CCDC3: variants seen among roughly 807,000 people sequenced by gnomAD.
CCDC3 encodes the protein coiled-coil domain containing 3, also known as coiled-coil domain-containing protein 3.
Under a neutral mutation model 21.4 loss-of-function variants are expected in CCDC3, and 24 were observed. The ratio of observed to expected loss-of-function variants is 1.12; its 90% CI spans 0.81 to 1.58. The LOEUF (loss-of-function observed/expected upper bound fraction) is 1.58, where lower values mean the gene tolerates loss of function less well. Among genes scored for constraint, CCDC3 ranks in the 40% most tolerant of loss-of-function variants. The pLI, the probability that CCDC3 is intolerant of heterozygous loss-of-function variation, is 0.00. For missense variants in CCDC3, 425 were observed against 360.9 expected (o/e 1.18, Z -1.44); for synonymous variants, 186 against 166.0 (o/e 1.12, Z -0.93).
At chr10:12,945,422 A>G (rs1293945908) in intron 2 of CCDC3, among the ~76,000 whole-genome samples, 1 of 152,128 alleles carries the variant, frequency 6.6e-6, no homozygotes, top group Non-Finnish European at 1.5e-5. Flanking sequence ...ATAGGGAAAA[A>G]AAAAACCCCG....
At chr10:13,081,175 A>T (rs1837035532) in intron 3 of CCDC3, among the ~76,000 whole-genome samples, 1 of 152,136 alleles carries the variant, frequency 6.6e-6, no homozygotes, top group Non-Finnish European at 1.5e-5. Flanking sequence ...AAAAAAAAAA[A>T]AAAAAAATAC....
chr10:12,923,442 G>T (rs868177319), intron 2 of CCDC3, among the ~76,000 whole-genome samples: 6 of 152,038 alleles, frequency 3.9e-5, no homozygotes, highest in Admixed American at 2.0e-4. Flanking sequence ...CCTTTCCACC[G>T]GCTTAAGTGG....
chr10:12,898,252 C>T lies in CCDC3; in HGVS notation c.*164G>A. On this transcript the variant is annotated 3_prime_UTR_variant, in exon 3 of 3. Coordinates refer to ENST00000378825, the MANE Select transcript of CCDC3 (RefSeq NM_031455.4). ...TGGGGTCTGACATTGAGGCCAGCAC[C>T]CAAGGGGAAAGCAAGCCTTGCATTT... The T allele has an allele frequency of 2.4e-6, 2 of 848,226 alleles. No homozygotes were observed. The highest frequency in any genetic ancestry group is 3.6e-6 in the Non-Finnish European group (2 of 562,100). The allele number at this position is 848,226 out of a possible 1,614,324, so 52.5% of individuals were successfully genotyped here. A position where few individuals can be genotyped will look rare whatever the true frequency, so the allele number is the denominator to read the frequency against.
intron 5 of CCDC3, among the ~76,000 whole-genome samples, chr10:13,023,143 A>G (rs1836168856): frequency 1.3e-5 from 2 of 152,176 alleles, no homozygotes; most frequent in African/African-American, 4.8e-5. Flanking sequence ...GGAAAGTGTA[A>G]AATAAAAGAT....
chr10:12,938,712 T>C (rs1834776184), intron 2 of CCDC3, among the ~76,000 whole-genome samples: 1 of 152,232 alleles, frequency 6.6e-6, no homozygotes, highest in Non-Finnish European at 1.5e-5. Context: ...TTCTGATTGC[T>C]CGTGCCTTCA....
intron 2 of CCDC3, among the ~76,000 whole-genome samples, chr10:12,949,570 C>G (rs936388461): frequency 6.6e-6 from 1 of 152,122 alleles, no homozygotes; most frequent in African/African-American, 2.4e-5. Flanking sequence ...TAGGGTTTTC[C>G]AATACTGAAG....
rs545053672 is a variant in CCDC3, at chr10:12,999,126, G to C, written c.375-614C>G. ...ACGGTGGCACACACCTGTAATCCCAGTTACTCAGAAGGCTGAGGCAGGAGA... is the reference window on the plus strand; with the variant it reads ...ACGGTGGCACACACCTGTAATCCCACTTACTCAGAAGGCTGAGGCAGGAGA... On this transcript the variant is annotated intron_variant, in intron 1 of 2. Coordinates refer to ENST00000378825, the MANE Select transcript of CCDC3 (RefSeq NM_031455.4). Among the ~76,000 whole-genome samples the C allele has an allele frequency of 1.1e-3, 166 of 152,274 alleles. 1 individual carries two copies. The highest frequency in any genetic ancestry group is 3.8e-3 in the African/African-American group (158 of 41,536).
intron 5 of CCDC3, among the ~76,000 whole-genome samples, chr10:13,013,090 A>C (rs1037266280): frequency 1.3e-5 from 2 of 152,356 alleles, no homozygotes; most frequent in East Asian, 3.9e-4. Context: ...TAAAACATTC[A>C]GAAGTATTAA....
Position 13,001,593 on chromosome 10 carries a change from G to T in CCDC3, c.-23C>A. On this transcript the variant is annotated 5_prime_UTR_variant, in exon 1 of 3. Transcript: ENST00000378825. ...CATGCCGGGCCCTCCCGGGGCGCAC[G>T]GGGCGGCGGCGGGGAGCCCGGGGAG... 2.6e-6 allele frequency: 3 copies of T among 1,171,508 alleles called. No individual in the cohort carries two copies. The highest frequency in any genetic ancestry group is 3.9e-5 in the East Asian group (1 of 25,904). 72.6% of individuals were successfully genotyped at this position (1,171,508 alleles called of 1,614,324 possible).
In CCDC3 at chr10:12,898,125, T is replaced by C; in HGVS notation, c.*291A>G. 2.3e-6 allele frequency: 1 copy of C among 443,296 alleles called. No individual in the cohort carries two copies. 27.5% of individuals were successfully genotyped at this position (443,296 alleles called of 1,614,324 possible). Reference sequence around the variant, plus strand: ...AATGTTCTCTCCCCAGTCAGGGCTCTTTCTGGGCTGCTCTGCAGGCGAGCA... The same window carrying C: ...AATGTTCTCTCCCCAGTCAGGGCTCCTTCTGGGCTGCTCTGCAGGCGAGCA... On this transcript the variant is annotated 3_prime_UTR_variant, in exon 3 of 3. Coordinates refer to ENST00000378825, the MANE Select transcript of CCDC3 (RefSeq NM_031455.4).
intron 2 of CCDC3, among the ~76,000 whole-genome samples, chr10:12,901,288 G>A (rs1479328143): frequency 6.6e-6 from 1 of 151,422 alleles, no homozygotes; most frequent in Non-Finnish European, 1.5e-5. Flanking sequence ...TTCTTTTTTT[G>A]AGATGGAGTC....
chr10:13,093,243 C>T (rs1832597093), intron 3 of CCDC3, among the ~76,000 whole-genome samples: 1 of 152,150 alleles, frequency 6.6e-6, no homozygotes, highest in Non-Finnish European at 1.5e-5. Flanking sequence ...GCGAAAAGCA[C>T]ATCTTACATG....
intron 5 of CCDC3, among the ~76,000 whole-genome samples, chr10:13,033,630 T>C (rs1482074675): frequency 6.6e-6 from 1 of 152,000 alleles, no homozygotes; most frequent in Non-Finnish European, 1.5e-5. Flanking sequence ...ACAAAGAACT[T>C]AAACAAATTT....
chr10:13,010,403 C>T (rs187022500), intron 5 of CCDC3, among the ~76,000 whole-genome samples: 175 of 152,214 alleles, frequency 1.1e-3, no homozygotes, highest in Middle Eastern at 3.4e-3. Context: ...ACTAGGGAAA[C>T]TCAAAACCAT....
At chr10:12,968,964 A>C (rs1835300881) in intron 2 of CCDC3, among the ~76,000 whole-genome samples, 2 of 152,192 alleles carry the variant, frequency 1.3e-5, no homozygotes, top group Non-Finnish European at 2.9e-5. Context: ...ACAAGCAAAA[A>C]ACAATTAACA....
intron 3 of CCDC3, among the ~76,000 whole-genome samples, chr10:13,093,491 A>G (rs1832600219): frequency 6.6e-6 from 1 of 152,184 alleles, no homozygotes; most frequent in Non-Finnish European, 1.5e-5. Flanking sequence ...TATTAAGTCA[A>G]CCTCTACAGA....
At chr10:12,902,113 G>A (rs561718979) in intron 2 of CCDC3, among the ~76,000 whole-genome samples, 1 of 152,320 alleles carries the variant, frequency 6.6e-6, no homozygotes, top group South Asian at 2.1e-4. Context: ...ACATTCACAA[G>A]TCACAAGCTC....
At chr10:13,063,232 C>G (rs1227483596) in intron 4 of CCDC3, among the ~76,000 whole-genome samples, 1 of 43,888 alleles carries the variant, frequency 2.3e-5, no homozygotes, top group Non-Finnish European at 4.5e-5. Context: ...TTGCAGTTCC[C>G]CTGTCTTGAT....
chr10:12,910,019 T>C (rs1233378674), intron 2 of CCDC3, among the ~76,000 whole-genome samples: 1 of 152,248 alleles, frequency 6.6e-6, no homozygotes, highest in Non-Finnish European at 1.5e-5. Context: ...GATGGGAATT[T>C]ATGAGCTGTG....
Sources: allele counts gnomAD v4.1 joint callset (sites outside exome capture counted in the v4.1 genomes callset), GRCh38; gene constraint gnomAD v4.1.1; transcripts MANE v1.5; gene names NCBI Gene and HGNC (gene_info 2026-07-23, HGNC 2026-07-21).